CHN2: variants seen among roughly 807,000 people sequenced by gnomAD.
CHN2 encodes chimerin 2.
In CHN2, 35 loss-of-function variants were observed where a neutral mutation model predicts 56.3. The observed-to-expected ratio is 0.62, with a 90% CI of 0.47 to 0.82. The LOEUF is 0.82. CHN2 is among the 40% of genes least tolerant of loss of function. The probability of loss-of-function intolerance (pLI) is 0.00; values close to 1 mark genes in which losing one functional copy is unlikely to be tolerated. For missense variants in CHN2, 491 were observed against 580.5 expected, an observed-to-expected ratio of 0.85 and a Z score of 1.58; for synonymous variants, 210 against 212.8, an observed-to-expected ratio of 0.99 and a Z score of 0.12.
chr7:29,183,526 G>A lies in CHN2; in HGVS notation c.274+36566G>A, dbSNP rs149782461. Among the ~76,000 whole-genome samples the A allele has an allele frequency of 1.2e-4, 18 of 151,502 alleles. No homozygotes were observed. In the East Asian group the frequency reaches 3.5e-3, roughly 30 times the overall value. On this transcript the variant is annotated intron_variant, in intron 2 of 6. Transcript: ENST00000439384. The stretch of plus-strand genomic sequence containing the variant: ...CAAGTAGCTGGGTTTACAAGTGTGT[G>A]CCACCACACCTGGCTAACTTTTGTA...
intron 3 of CHN2, among the ~76,000 whole-genome samples, chr7:29,373,320 G>A (rs1035194327): frequency 7.9e-5 from 12 of 152,010 alleles, no homozygotes; most frequent in Non-Finnish European, 1.2e-4. Flanking sequence ...GGGATTACAG[G>A]TGTACCCCAC....
chr7:29,202,966 G>C (rs1205890184), intron 1 of CHN2, among the ~76,000 whole-genome samples: 2 of 152,178 alleles, frequency 1.3e-5, no homozygotes, highest in Admixed American at 6.5e-5. Flanking sequence ...TGACCTCTAA[G>C]GGCCTGATTC....
chr7:29,217,352 C>G (rs1157554839), intron 1 of CHN2, among the ~76,000 whole-genome samples: 1 of 152,216 alleles, frequency 6.6e-6, no homozygotes, highest in Non-Finnish European at 1.5e-5. Flanking sequence ...CATTCCTTAG[C>G]TTCAGCAGCC....
At chr7:29,177,237 ATTTTGTTTTGTTTTGTTTTG>A (rs10535682) in intron 2 of CHN2, among the ~76,000 whole-genome samples, 6 of 146,748 alleles carry the variant, frequency 4.1e-5, no homozygotes, top group Non-Finnish European at 7.5e-5. Context: ...TTTTTGTTTT[ATTTTGTTTTGTTTTGTTTTG>A]TTTTGTTTTG....
At chr7:29,215,622 G>T (rs1279851444) in intron 1 of CHN2, among the ~76,000 whole-genome samples, 1 of 152,164 alleles carries the variant, frequency 6.6e-6, no homozygotes, top group Admixed American at 6.5e-5. Context: ...GGAATTAAAA[G>T]TACTTGTTGC....
rs1275901236 is a variant in CHN2 at position 29,509,297 on chromosome 7, A to C, written c.1130-4A>C. On this transcript the variant is annotated splice_region_variant and splice_polypyrimidine_tract_variant and intron_variant, in intron 11 of 12. Coordinates refer to ENST00000222792, the MANE Select transcript of CHN2 (RefSeq NM_004067.4). ...CTAATACCCATCATGCGTGAACTTC[A>C]CAGAAATCTCCAATGCAGATGAGAG... 1 of 1,611,452 alleles carries C rather than the reference A, an allele frequency of 6.2e-7. No individual in the cohort carries two copies. The highest frequency in any genetic ancestry group is 1.1e-5 in the South Asian group (1 of 91,014).
chr7:29,238,525 G>C (rs1211275825), intron 1 of CHN2, among the ~76,000 whole-genome samples: 2 of 152,064 alleles, frequency 1.3e-5, no homozygotes, highest in Non-Finnish European at 2.9e-5. Flanking sequence ...GATTCTTCTA[G>C]GCACCGAGGG....
chr7:29,425,932 C>T (rs1334908408), intron 6 of CHN2, among the ~76,000 whole-genome samples: 1 of 151,854 alleles, frequency 6.6e-6, no homozygotes, highest in African/African-American at 2.4e-5. Flanking sequence ...GACTGTGGGC[C>T]GGGTGTGGTA....
At chr7:29,440,402 G>T (rs1234588924) in intron 6 of CHN2, among the ~76,000 whole-genome samples, 20 of 152,078 alleles carry the variant, frequency 1.3e-4, no homozygotes, top group Non-Finnish European at 1.5e-5. Context: ...ATTAAAGAGT[G>T]CACAGAGGCT....
chr7:29,263,988 C>T (rs1480575069), intron 1 of CHN2, among the ~76,000 whole-genome samples: 1 of 118,304 alleles, frequency 8.5e-6, no homozygotes, highest in African/African-American at 4.4e-5. Flanking sequence ...CAGCCCCCGC[C>T]CAGCCAGCCG....
At chr7:29,449,614 T>G (rs1302228744) in intron 6 of CHN2, among the ~76,000 whole-genome samples, 1 of 152,246 alleles carries the variant, frequency 6.6e-6, no homozygotes, top group Non-Finnish European at 1.5e-5. Flanking sequence ...AGGAAATGAA[T>G]AAGATTATTT....
At chr7:29,218,768 A>G (rs1271086173) in intron 1 of CHN2, among the ~76,000 whole-genome samples, 1 of 143,584 alleles carries the variant, frequency 7.0e-6, no homozygotes, top group African/African-American at 2.6e-5. Context: ...ACACATGGAC[A>G]CAGGAAGGGG....
chr7:29,429,485 CTACTT>C (rs1805198267), intron 6 of CHN2, among the ~76,000 whole-genome samples: 1 of 152,110 alleles, frequency 6.6e-6, no homozygotes, highest in South Asian at 2.1e-4. Flanking sequence ...TATATAAAAT[CTACTT>C]TATAAGTTGA....
intron 1 of CHN2, among the ~76,000 whole-genome samples, chr7:29,247,465 C>T (rs1277549580): frequency 6.6e-6 from 1 of 152,172 alleles, no homozygotes; most frequent in Non-Finnish European, 1.5e-5. Context: ...CACATGCTTC[C>T]CCCAGCCTTC....
At chr7:29,302,061 G>A (rs1281491587) in intron 1 of CHN2, among the ~76,000 whole-genome samples, 1 of 152,184 alleles carries the variant, frequency 6.6e-6, no homozygotes, top group Non-Finnish European at 1.5e-5. Context: ...AATGTCACAG[G>A]CTGGAGAATT....
chr7:29,262,790 G>A (rs115471909), intron 1 of CHN2, among the ~76,000 whole-genome samples: 2,575 of 152,190 alleles, frequency 0.017, 68 homozygotes, highest in African/African-American at 0.059. Context: ...GGGGTGCAGG[G>A]GGAGGGAGGG....
In CHN2 at chr7:29,329,376, CAAAAAAAAAAAAA is replaced by C. The variant is rs10667833; in HGVS notation, c.50-25235_50-25223del. Among the ~76,000 whole-genome samples the C allele has an allele frequency of 5.4e-4, 20 of 37,250 alleles. No homozygotes were observed. The East Asian group carries it at 8.8e-3, about 16-fold the overall frequency. 24.4% of individuals were successfully genotyped at this position (37,250 alleles called of 152,430 possible). On this transcript the variant is annotated intron_variant, in intron 1 of 12. Coordinates refer to ENST00000222792, the MANE Select transcript of CHN2 (RefSeq NM_004067.4). ...ACTAGCTTTAAACCTTCAGATAAGGCAAAAAAAAAAAAAAAAAAAAAAAAAAGTCAGCAATTGG... is the reference window on the plus strand; with the variant it reads ...ACTAGCTTTAAACCTTCAGATAAGGCAAAAAAAAAAAAAGTCAGCAATTGG...
At chr7:29,387,609 A>G (rs548351044) in intron 3 of CHN2, among the ~76,000 whole-genome samples, 4 of 152,344 alleles carry the variant, frequency 2.6e-5, no homozygotes, top group African/African-American at 9.6e-5. Context: ...AGATGATGCC[A>G]ATACTGCTGG....
chr7:29,490,347 G>T (rs1353274837), intron 7 of CHN2, among the ~76,000 whole-genome samples: 1 of 152,122 alleles, frequency 6.6e-6, no homozygotes, highest in Non-Finnish European at 1.5e-5. Context: ...CTTCTAGGAA[G>T]AATTTATTAT....
Sources: gnomAD v4.1 joint callset for allele counts (sites outside exome capture counted in the v4.1 genomes callset) on GRCh38, gnomAD v4.1.1 for gene constraint, MANE v1.5 for transcripts, NCBI Gene and HGNC (gene_info 2026-07-23, HGNC 2026-07-21) for gene names.